The following GPC3 variants were observed in gnomAD, a reference collection of about 807,000 sequenced individuals.
GPC3 encodes glypican-3.
GPC3 carries 3 observed loss-of-function variants against 34.4 expected under a neutral mutation model. The observed-to-expected ratio is 0.09, with a 90% CI of 0.04 to 0.23. GPC3 has a LOEUF of 0.23. Among genes scored for constraint, GPC3 ranks in the 10% least tolerant of loss-of-function variants. The pLI is 1.00. For synonymous variants in GPC3, 177 were observed against 174.0 expected (o/e 1.02, Z -0.13); for missense variants, 351 against 445.6 (o/e 0.79, Z 1.91).
chrX:133,732,216 T>C (rs142780291), intron 3 of GPC3, among the ~76,000 whole-genome samples: 1 of 111,096 alleles, frequency 9.0e-6, no homozygotes, highest in Non-Finnish European at 1.9e-5. Context: ...AGGGACCCAA[T>C]CACAAAATCT....
At chrX:133,894,332 TATGA>T (rs755975985) in intron 2 of GPC3, among the ~76,000 whole-genome samples, 196 of 112,446 alleles carry the variant, frequency 1.7e-3, no homozygotes, top group African/African-American at 5.9e-3. Flanking sequence ...ACTTTTTTTG[TATGA>T]ATGTGTGTGA....
At position 133,902,908 on chromosome X, in the gene GPC3, A is replaced by G. The variant is rs768524092; in HGVS notation, c.337+50142T>C. 2.7e-5 allele frequency among the ~76,000 whole-genome samples: 3 copies of G among 111,547 alleles called. No individual in the cohort carries two copies. In the East Asian group the frequency reaches 8.5e-4, roughly 31 times the overall value. On this transcript the variant is annotated intron_variant, in intron 2 of 7. Transcript: ENST00000370818. Reference sequence around the variant, plus strand: ...CCTGATGTTTTGCTTCTTCCCATGTATTATTTTGTGAATATTTTCCACTGT... The same window carrying G: ...CCTGATGTTTTGCTTCTTCCCATGTGTTATTTTGTGAATATTTTCCACTGT...
At position 133,719,121 on chromosome X, in the gene GPC3, A is replaced by G. The variant is rs778438995; in HGVS notation, c.1033-19093T>C. Reference sequence around the variant, plus strand: ...CAAACAGACATCTATAGAACACTCCATACAACAGTGGTAAAACACAATTCT... The same window carrying G: ...CAAACAGACATCTATAGAACACTCCGTACAACAGTGGTAAAACACAATTCT... On this transcript the variant is annotated intron_variant, in intron 3 of 7. Coordinates refer to ENST00000370818, the MANE Select transcript of GPC3 (RefSeq NM_004484.4). Among the ~76,000 whole-genome samples the G allele has an allele frequency of 8.1e-5, 9 of 111,414 alleles. No homozygotes were observed. In the South Asian group the frequency reaches 3.4e-3, roughly 42 times the overall value.
chrX:133,719,544 G>C (rs1442938870), intron 3 of GPC3, among the ~76,000 whole-genome samples: 1 of 110,755 alleles, frequency 9.0e-6, no homozygotes, highest in Non-Finnish European at 1.9e-5. Flanking sequence ...CGAGTTAGTG[G>C]GTGCAGTGCA....
chrX:133,688,755 G>A (rs1284611511), intron 5 of GPC3, among the ~76,000 whole-genome samples: 2 of 111,232 alleles, frequency 1.8e-5, no homozygotes, highest in African/African-American at 6.5e-5. Flanking sequence ...CTGGACAATA[G>A]GAAGTGGTAA....
intron 2 of GPC3, among the ~76,000 whole-genome samples, chrX:133,834,436 A>G (rs2075790626): frequency 8.9e-6 from 1 of 111,862 alleles, no homozygotes; most frequent in Non-Finnish European, 1.9e-5. Context: ...TTCATTTAAC[A>G]AAATTTTATC....
At chrX:133,621,274 T>C (rs1000996971) in intron 6 of GPC3, among the ~76,000 whole-genome samples, 2 of 111,480 alleles carry the variant, frequency 1.8e-5, no homozygotes, top group Non-Finnish European at 3.8e-5. Flanking sequence ...CATTTCCAAC[T>C]GAGGTACCGG....
At chrX:133,775,197 G>A (rs2071966070) in intron 2 of GPC3, among the ~76,000 whole-genome samples, 1 of 108,174 alleles carries the variant, frequency 9.2e-6, no homozygotes, top group Admixed American at 9.9e-5. Flanking sequence ...ATCAACATGA[G>A]TTAACTTTTG....
intron 2 of GPC3, among the ~76,000 whole-genome samples, chrX:133,794,250 C>T (rs1459338898): frequency 9.0e-6 from 1 of 111,649 alleles, no homozygotes; most frequent in Non-Finnish European, 1.9e-5. Flanking sequence ...TTTAACTTAT[C>T]ATGTCTACAG....
intron 7 of GPC3, among the ~76,000 whole-genome samples, chrX:133,556,623 G>T (rs1427641641): frequency 9.1e-6 from 1 of 109,358 alleles, no homozygotes; most frequent in African/African-American, 3.3e-5. Context: ...GGCTGTATGG[G>T]GGACAAGTTA....
chrX:133,724,320 A>G (rs1481331477), intron 3 of GPC3, among the ~76,000 whole-genome samples: 1 of 112,326 alleles, frequency 8.9e-6, no homozygotes, highest in Admixed American at 9.4e-5. Flanking sequence ...GTCTTCAGGA[A>G]GATGGAAATA....
At chrX:133,674,554 CAGGGCATCATCTG>C (rs1410843518) in intron 5 of GPC3, among the ~76,000 whole-genome samples, 1 of 111,465 alleles carries the variant, frequency 9.0e-6, no homozygotes. Context: ...TTCCAGGAGA[CAGGGCATCATCTG>C]AGGGGGAAAT....
chrX:133,687,759 TA>T (rs1009305714), intron 5 of GPC3, among the ~76,000 whole-genome samples: 12 of 111,413 alleles, frequency 1.1e-4, no homozygotes, highest in Middle Eastern at 4.2e-3. Context: ...AAAATACGTT[TA>T]TTTTTTTTCT....
chrX:133,821,506 T>C (rs967395060), intron 2 of GPC3, among the ~76,000 whole-genome samples: 3 of 112,078 alleles, frequency 2.7e-5, no homozygotes, highest in African/African-American at 9.7e-5. Flanking sequence ...TCTCAGATTA[T>C]GTACTTGATA....
intron 2 of GPC3, among the ~76,000 whole-genome samples, chrX:133,935,395 G>A (rs1037009606): frequency 5.4e-5 from 6 of 111,514 alleles, no homozygotes; most frequent in Non-Finnish European, 1.1e-4. Flanking sequence ...GTTGGAAACA[G>A]CTACTTGGAC....
chrX:133,561,011 C>G (rs1377159290), intron 7 of GPC3, among the ~76,000 whole-genome samples: 3 of 111,482 alleles, frequency 2.7e-5, no homozygotes, highest in Non-Finnish European at 5.6e-5. Flanking sequence ...GCCTGTCTTA[C>G]TGAGGAAGTA....
rs749874149 is a variant in GPC3 at position 133,692,384 on chromosome X, T to C, written c.1277A>G (p.Gln426Arg). 4 of 1,210,620 alleles carry C rather than the reference T, an allele frequency of 3.3e-6. No homozygotes were observed. In the South Asian group the frequency reaches 7.0e-5, roughly 21 times the overall value. ...AENDTLCWNGQELVERYSQKA... is the reference protein window; with the variant it reads ...AENDTLCWNGRELVERYSQKA... ...AAAAGATCACCTCTCCACGAGTTCT[T>C]GTCCATTCCAGCAAAGGGTGTCGTT... The change falls in exon 5 of 8, where the codon CAA (glutamine) becomes CGA (arginine). Residue 426 changes from glutamine to arginine, a missense_variant. Physicochemically the swap from Gln to Arg is conservative, Grantham distance 43. Transcript: ENST00000370818.
intron 1 of GPC3, among the ~76,000 whole-genome samples, chrX:133,955,655 T>G (rs1000804373): frequency 9.0e-6 from 1 of 110,736 alleles, no homozygotes; most frequent in African/African-American, 3.3e-5. Flanking sequence ...CTAGCAGAGA[T>G]AAATAGCTAC....
At chrX:133,672,146 C>A (rs1342130352) in intron 5 of GPC3, among the ~76,000 whole-genome samples, 1 of 111,289 alleles carries the variant, frequency 9.0e-6, no homozygotes, top group Non-Finnish European at 1.9e-5. Flanking sequence ...GAGTCTGTGG[C>A]TGTAGGGAAC....
Sources: allele counts gnomAD v4.1 joint callset (sites outside exome capture counted in the v4.1 genomes callset), GRCh38; gene constraint gnomAD v4.1.1; transcripts MANE v1.5; gene names NCBI Gene and HGNC (gene_info 2026-07-23, HGNC 2026-07-21).